PDPK1: variants seen among roughly 807,000 people sequenced by gnomAD.
PDPK1 encodes 3-phosphoinositide dependent protein kinase 1, also known as 3-phosphoinositide-dependent protein kinase 1.
A neutral mutation model predicts 39.8 loss-of-function variants in PDPK1; 7 were observed. The observed-to-expected ratio is 0.18, with a 90% CI of 0.10 to 0.33. PDPK1 has a LOEUF of 0.33. Among genes scored for constraint, PDPK1 ranks in the 10% least tolerant of loss-of-function variants. PDPK1 has a pLI of 1.00. For synonymous variants in PDPK1, 118 were observed against 159.1 expected, an observed-to-expected ratio of 0.74 and a Z score of 1.95; for missense variants, 182 against 384.7, an observed-to-expected ratio of 0.47 and a Z score of 4.41.
intron 1 of PDPK1, among the ~76,000 whole-genome samples, chr16:2,546,141 T>C (rs1383851030): frequency 6.6e-6 from 1 of 152,118 alleles, no homozygotes; most frequent in Non-Finnish European, 1.5e-5. Flanking sequence ...TGGAGTGCAG[T>C]GGCGCGATCT....
intron 10 of PDPK1, among the ~76,000 whole-genome samples, chr16:2,586,244 G>T (rs1025447260): frequency 3.3e-5 from 5 of 152,214 alleles, no homozygotes; most frequent in Non-Finnish European, 7.3e-5. Context: ...AAGACACCTG[G>T]GGCCCAACAA....
At position 2,585,547 on chromosome 16, in the gene PDPK1, G is replaced by A. The variant is rs115854907; in HGVS notation, c.1126-1129G>A. ...GCCAAGGCAGGAGAGCAGGTGCTTC[G>A]TTGGCTCCTGCTCTCCTGAGGTCCT... On this transcript the variant is annotated intron_variant, in intron 10 of 13. Coordinates refer to ENST00000342085, the MANE Select transcript of PDPK1 (RefSeq NM_002613.5). 3.0e-3 allele frequency among the ~76,000 whole-genome samples: 458 copies of A among 152,332 alleles called. 3 individuals carry two copies. Among genetic ancestry groups the A allele is most frequent in the African/African-American group, 0.01 (433 of 41,576 alleles).
intron 1 of PDPK1, among the ~76,000 whole-genome samples, chr16:2,552,145 AT>A (rs1371453592): frequency 6.7e-6 from 1 of 149,632 alleles, no homozygotes; most frequent in Non-Finnish European, 1.5e-5. Context: ...CTTTTTATAT[AT>A]TTTTTTGTAG....
Position 2,544,845 on chromosome 16 carries a change from A to C in PDPK1, c.24+6709A>C, listed in dbSNP as rs138887601. ...GTGATCCGCCCACCTCGGCCTCCCA[A>C]AGTGCTGGGATTTACAGGCATGAGC... On this transcript the variant is annotated intron_variant, in intron 1 of 13. Coordinates refer to ENST00000342085, the MANE Select transcript of PDPK1 (RefSeq NM_002613.5). 2.0e-3 allele frequency among the ~76,000 whole-genome samples: 305 copies of C among 152,100 alleles called. 3 individuals are homozygous for C. The highest frequency in any genetic ancestry group is 6.8e-3 in the African/African-American group (284 of 41,494).
Position 2,599,851 on chromosome 16 carries a change from G to T in PDPK1, c.*2084G>T, listed in dbSNP as rs1310709364. 4.3e-6 allele frequency: 1 copy of T among 233,818 alleles called. No individual in the cohort carries two copies. Among genetic ancestry groups the T allele is most frequent in the South Asian group, 1.8e-4 (1 of 5,536 alleles). The allele number at this position is 233,818 out of a possible 1,614,324, so 14.5% of individuals were successfully genotyped here. Reference sequence around the variant, plus strand: ...GGCTTTAATTGGAGCACTCGGCTGGGCTGCTTGGGGAGACTCTTCCGTGCG... The same window carrying T: ...GGCTTTAATTGGAGCACTCGGCTGGTCTGCTTGGGGAGACTCTTCCGTGCG... On this transcript the variant is annotated 3_prime_UTR_variant, in exon 14 of 14. Coordinates refer to ENST00000342085, the MANE Select transcript of PDPK1 (RefSeq NM_002613.5).
At chr16:2,540,177 G>A (rs913413532) in intron 1 of PDPK1, among the ~76,000 whole-genome samples, 3 of 152,202 alleles carry the variant, frequency 2.0e-5, no homozygotes, top group Non-Finnish European at 4.4e-5. Flanking sequence ...CTTTAGGGTG[G>A]CCCTGTAGGC....
Position 2,597,627 on chromosome 16 carries a change from A to T in PDPK1, c.1555-24A>T. On this transcript the variant is annotated intron_variant, in intron 13 of 13. Transcript: ENST00000342085. This position sits in a 1 kb window ranked among gnomAD's most constrained non-coding sequence, Gnocchi z 6.3. The stretch of plus-strand genomic sequence containing the variant: ...GTTTTGGTGGGACTCCCTGGAGAAC[A>T]CTAAACGGCTTCTGTCTTCGCAGCC... 6.5e-7 allele frequency: 1 copy of T among 1,549,754 alleles called. No homozygotes were observed. The highest frequency in any genetic ancestry group is 8.9e-7 in the Non-Finnish European group (1 of 1,121,516).
At chr16:2,553,029 G>A (rs1333278331) in intron 1 of PDPK1, among the ~76,000 whole-genome samples, 1 of 146,392 alleles carries the variant, frequency 6.8e-6, no homozygotes, top group Non-Finnish European at 1.5e-5. Flanking sequence ...CCTTGGGGGT[G>A]GTACGTGCAC....
chr16:2,542,042 T>C (rs1472262420), intron 1 of PDPK1, among the ~76,000 whole-genome samples: 1 of 152,156 alleles, frequency 6.6e-6, no homozygotes, highest in Non-Finnish European at 1.5e-5. Flanking sequence ...TAGACAATTT[T>C]CCTGATATTT....
intron 10 of PDPK1, among the ~76,000 whole-genome samples, chr16:2,585,946 G>A (rs562275920): frequency 4.6e-5 from 7 of 152,348 alleles, no homozygotes; most frequent in African/African-American, 1.4e-4. Flanking sequence ...GGCCTCCACA[G>A]AGCTCAGATG....
intron 6 of PDPK1, among the ~76,000 whole-genome samples, chr16:2,573,811 T>TTTTTTTG (rs2066679245): frequency 8.6e-6 from 1 of 115,650 alleles, no homozygotes; most frequent in Non-Finnish European, 1.7e-5. Context: ...TTTTTTTTTT[T>TTTTTTTG]GAGACGGAAT....
At position 2,597,641 on chromosome 16, in the gene PDPK1, G is replaced by A. The variant is rs2067130830; in HGVS notation, c.1555-10G>A. 31 of 1,597,622 alleles carry A rather than the reference G, an allele frequency of 1.9e-5. No individual in the cohort carries two copies. Among genetic ancestry groups the A allele is most frequent in the Non-Finnish European group, 2.7e-5 (31 of 1,165,150 alleles). On this transcript the variant is annotated splice_polypyrimidine_tract_variant and intron_variant, in intron 13 of 13. Transcript: ENST00000342085. This position sits in a 1 kb window ranked among gnomAD's most constrained non-coding sequence, Gnocchi z 6.3. ...CCCTGGAGAACACTAAACGGCTTCT[G>A]TCTTCGCAGCCTAACAGGACGTATT...
chr16:2,591,637 G>A (rs939526090), intron 11 of PDPK1, among the ~76,000 whole-genome samples: 2 of 152,150 alleles, frequency 1.3e-5, no homozygotes, highest in African/African-American at 2.4e-5. Context: ...GGTGTTTGCC[G>A]TGTTCTTCCG....
chr16:2,559,031 A>G (rs2066557085), intron 2 of PDPK1, among the ~76,000 whole-genome samples: 1 of 118,490 alleles, frequency 8.4e-6, no homozygotes, highest in East Asian at 2.2e-4. Context: ...TGCAGGTTTT[A>G]TGAAATAATT....
At position 2,599,195 on chromosome 16, in the gene PDPK1, T is replaced by G. The variant is rs2067163576; in HGVS notation, c.*1428T>G. The G allele has an allele frequency of 4.3e-6, 1 of 233,430 alleles. No individual in the cohort carries two copies. The highest frequency in any genetic ancestry group is 8.5e-6 in the Non-Finnish European group (1 of 118,142). 14.5% of individuals were successfully genotyped at this position (233,430 alleles called of 1,614,324 possible). A position where few individuals can be genotyped will look rare whatever the true frequency, so the allele number is the denominator to read the frequency against. ...TGGGCCCTTCTCTCCCTGCCCAGGT[T>G]GTCCCTGGAGGGCAGCCCTCACTCC... On this transcript the variant is annotated 3_prime_UTR_variant, in exon 14 of 14. Transcript: ENST00000342085.
intron 11 of PDPK1, among the ~76,000 whole-genome samples, chr16:2,588,398 C>T (rs768085916): frequency 6.6e-6 from 1 of 152,138 alleles, no homozygotes; most frequent in Non-Finnish European, 1.5e-5. Context: ...GTGCTGGGGT[C>T]CCCACGAAGG....
At chr16:2,586,356 C>T (rs946800017) in intron 10 of PDPK1, among the ~76,000 whole-genome samples, 1 of 152,242 alleles carries the variant, frequency 6.6e-6, no homozygotes, top group African/African-American at 2.4e-5. Context: ...CCCCCACCTC[C>T]GGGGGGCAGC....
intron 11 of PDPK1, among the ~76,000 whole-genome samples, chr16:2,587,888 T>C (rs1393270516): frequency 6.6e-6 from 1 of 152,254 alleles, no homozygotes. Flanking sequence ...TTATATTTTA[T>C]GTTTTCCATT....
chr16:2,601,181 C>T lies in PDPK1; in HGVS notation c.*3414C>T, dbSNP rs1204707174. 6.4e-5 allele frequency: 15 copies of T among 233,244 alleles called. No individual in the cohort carries two copies. Among genetic ancestry groups the T allele is most frequent in the Non-Finnish European group, 1.1e-4 (13 of 117,932 alleles). 14.4% of individuals were successfully genotyped at this position (233,244 alleles called of 1,614,324 possible). ...GAGTTTGTTCATTTTGAAGATATTT[C>T]TGTCTCTCTCTCGACCTGATGTGTA... On this transcript the variant is annotated 3_prime_UTR_variant, in exon 14 of 14. Transcript: ENST00000342085.
Sources: allele counts gnomAD v4.1 joint callset (sites outside exome capture counted in the v4.1 genomes callset), GRCh38; gene constraint gnomAD v4.1.1; non-coding constraint Gnocchi (gnomAD v3.1); transcripts MANE v1.5; gene names NCBI Gene and HGNC (gene_info 2026-07-23, HGNC 2026-07-21).